Variants in PFKM observed in about 807,000 individuals in gnomAD.
PFKM encodes the protein ATP-dependent 6-phosphofructokinase, muscle type.
In PFKM, 58 loss-of-function variants were observed where a neutral mutation model predicts 95.5. The observed-to-expected ratio is 0.61, with a 90% CI of 0.49 to 0.76. The LOEUF is 0.76. Ranked by LOEUF, PFKM falls within the 30% of genes least tolerant of loss-of-function variation. PFKM has a pLI of 0.00. For missense variants in PFKM, 678 were observed against 1,005.4 expected, an observed-to-expected ratio of 0.67 and a Z score of 4.40; for synonymous variants, 336 against 357.2, an observed-to-expected ratio of 0.94 and a Z score of 0.67.
chr12:48,139,403 G>A (rs905115237), intron 12 of PFKM, 54 bp downstream of exon 12: 3 of 1,379,096 alleles, frequency 2.2e-6, no homozygotes, highest in African/African-American at 1.4e-5. Flanking sequence ...CGTGAACGAA[G>A]CCAAAGATCT....
Position 48,122,733 on chromosome 12 carries a change from C to T in PFKM, c.-8-34C>T, listed in dbSNP as rs370806646. On this transcript the variant is annotated intron_variant, in intron 1 of 22. Transcript: ENST00000359794. ...TTAGCTAGTGGCATCTTGATTCCTG[C>T]TGTGTCTTAACTGACCATTGTCTTA... The T allele has an allele frequency of 3.1e-6, 5 of 1,613,326 alleles. No homozygotes were observed. In the African/African-American group the frequency reaches 5.3e-5, roughly 17 times the overall value.
intron 7 of PFKM, among the ~76,000 whole-genome samples, 154 bp from the exon 8 acceptor site, chr12:48,134,567 G>A (rs1442436051): frequency 2.6e-5 from 4 of 152,226 alleles, no homozygotes; most frequent in Non-Finnish European, 5.9e-5. Flanking sequence ...GAATCTCATT[G>A]AGGGGCCCCG....
At position 48,142,793 on chromosome 12, in the gene PFKM, C is replaced by T; in HGVS notation, c.1665C>T (p.Arg555=). 6.2e-7 allele frequency: 1 copy of T among 1,614,112 alleles called. No homozygotes were observed. The highest frequency in any genetic ancestry group is 8.5e-7 in the Non-Finnish European group (1 of 1,179,976). The change falls in exon 18 of 23, where the codon CGC becomes CGT. Residue 555 remains arginine (R), a synonymous_variant. Transcript: ENST00000359794. ...CATTGTCCTTGCAGACCTGTGACCG[C>T]ATCAAGCAGTCAGCAGCTGGCACCA... ...ALNTICTTCD[R]IKQSAAGTKR...
intron 9 of PFKM, 65 bp downstream of exon 9, chr12:48,135,103 C>T: frequency 7.7e-7 from 1 of 1,294,980 alleles, no homozygotes; most frequent in Non-Finnish European, 1.1e-6. Context: ...GCTTCTGAGT[C>T]TCCTGACATT....
intron 2 of PFKM, among the ~76,000 whole-genome samples, chr12:48,124,510 A>G (rs1162517741): frequency 6.6e-6 from 1 of 152,220 alleles, no homozygotes; most frequent in Non-Finnish European, 1.5e-5. Context: ...AGAGAGGGAA[A>G]GAGAGAAAGA....
At chr12:48,129,435 C>A (rs1285027397) in intron 2 of PFKM, among the ~76,000 whole-genome samples, 3 of 151,808 alleles carry the variant, frequency 2.0e-5, no homozygotes, top group Non-Finnish European at 4.4e-5. Context: ...TCCCCATAAA[C>A]ATCTTATATA....
upstream of PFKM, among the ~76,000 whole-genome samples, chr12:48,117,638 CTT>C (rs1009035473): frequency 1.3e-5 from 2 of 152,180 alleles, no homozygotes; most frequent in Non-Finnish European, 2.9e-5. Context: ...TTGGTCAACT[CTT>C]TTGCCCATTT....
At chr12:48,114,187 A>C in intron 3 of PFKM, among the ~76,000 whole-genome samples, 1 of 152,168 alleles carries the variant, frequency 6.6e-6, no homozygotes, top group East Asian at 1.9e-4. Context: ...AAACTTTCCC[A>C]TTCATCTGGG....
At chr12:48,108,442 C>A (rs1245411374) in intron 3 of PFKM, among the ~76,000 whole-genome samples, 4 of 152,042 alleles carry the variant, frequency 2.6e-5, no homozygotes, top group Non-Finnish European at 1.5e-5. Flanking sequence ...GGGAAACAGA[C>A]ACATCTCTAT....
At chr12:48,106,230 G>C (rs1459170865) in intron 1 of PFKM, 1 of 648,782 alleles carries the variant, frequency 1.5e-6, no homozygotes, top group Non-Finnish European at 2.8e-6. Context: ...CCCGAGAAGC[G>C]AAGGGAGCAT....
intron 17 of PFKM, chr12:48,142,334 G>A: frequency 2.1e-6 from 1 of 475,928 alleles, no homozygotes; most frequent in East Asian, 4.3e-5. Context: ...CTAGCTGGGT[G>A]TGGTGGTAGG....
chr12:48,106,906 G>C (rs892489009), intron 1 of PFKM, among the ~76,000 whole-genome samples: 5 of 152,190 alleles, frequency 3.3e-5, no homozygotes, highest in Non-Finnish European at 7.4e-5. Context: ...GGGCTTTGTT[G>C]TTCCTGGGAC....
At chr12:48,128,259 G>GTCTC (rs112898503) in intron 2 of PFKM, among the ~76,000 whole-genome samples, 33,430 of 149,856 alleles carry the variant, frequency 0.22, 4,168 homozygotes, top group East Asian at 0.52. Context: ...ACTGTACTTT[G>GTCTC]TCTCTCTCTC....
chr12:48,137,858 T>A lies in PFKM; in HGVS notation c.1062+12T>A, dbSNP rs1181846715. The A allele has an allele frequency of 6.2e-7, 1 of 1,614,072 alleles. No homozygotes were observed. The highest frequency in any genetic ancestry group is 2.2e-5 in the East Asian group (1 of 44,878). ...AATGTGTCCAGGTGGTAAGTACTGA[T>A]CCTAAACCCCTTTCTTAACACTCTC... is the stretch of plus-strand genomic sequence containing the variant. On this transcript the variant is annotated intron_variant, in intron 11 of 22. Transcript: ENST00000359794.
At chr12:48,132,808 G>T in intron 4 of PFKM, 60 bp from the exon 5 acceptor site, 1 of 1,397,886 alleles carries the variant, frequency 7.2e-7, no homozygotes, top group South Asian at 1.2e-5. Context: ...CATTGGAATA[G>T]GGGATATCTC....
chr12:48,113,277 A>C (rs1003263929), intron 3 of PFKM, among the ~76,000 whole-genome samples: 2 of 152,130 alleles, frequency 1.3e-5, no homozygotes, highest in African/African-American at 4.8e-5. Flanking sequence ...GGTAATGTGG[A>C]GTGGGTAGCC....
upstream of PFKM, among the ~76,000 whole-genome samples, chr12:48,116,038 A>G (rs1169548164): frequency 6.6e-6 from 1 of 152,116 alleles, no homozygotes; most frequent in Admixed American, 6.5e-5. Context: ...GCACCACTTT[A>G]CATTCCTACC....
At chr12:48,122,503 A>G in intron 1 of PFKM, 1 of 1,052,476 alleles carries the variant, frequency 9.5e-7, no homozygotes, top group Non-Finnish European at 1.2e-6. Context: ...TTCCCCAAAT[A>G]GGTTCCAATT....
Position 48,141,297 on chromosome 12 carries a change from G to T in PFKM, c.1342-14G>T, listed in dbSNP as rs56117548. On this transcript the variant is annotated splice_polypyrimidine_tract_variant and intron_variant, in intron 14 of 22. Transcript: ENST00000359794. Reference sequence around the variant, plus strand: ...CTTTAGCCTTGTGCAGAGCTCTGTGGCTTATCCCCACAGATAGAGGAAGCT... The same window carrying T: ...CTTTAGCCTTGTGCAGAGCTCTGTGTCTTATCCCCACAGATAGAGGAAGCT... 0.028 allele frequency: 45,307 copies of T among 1,612,984 alleles called. 803 individuals carry two copies. The highest frequency in any genetic ancestry group is 0.056 in the South Asian group (5,096 of 91,040).
Sources: allele counts gnomAD v4.1 joint callset (sites outside exome capture counted in the v4.1 genomes callset), GRCh38; gene constraint gnomAD v4.1.1; transcripts MANE v1.5; gene names NCBI Gene and HGNC (gene_info 2026-07-23, HGNC 2026-07-21).